Variants in ELAVL2 observed in about 807,000 individuals in gnomAD.
The protein encoded by ELAVL2 is ELAV like RNA binding protein 2.
Under a neutral mutation model 34.6 loss-of-function variants are expected in ELAVL2, and 4 were observed. The observed-to-expected ratio is 0.12, with a 90% confidence interval of 0.06 to 0.26. The LOEUF is 0.26. Ranked by LOEUF, ELAVL2 falls within the 10% of genes least tolerant of loss-of-function variation. ELAVL2 has a pLI of 1.00. For synonymous variants in ELAVL2, 193 were observed against 154.8 expected, an observed-to-expected ratio of 1.25 and a Z score of -1.83; for missense variants, 432 against 442.8, an observed-to-expected ratio of 0.98 and a Z score of 0.22.
chr9:23,802,617 C>CA (rs1396781569), intron 1 of ELAVL2, among the ~76,000 whole-genome samples: 1 of 152,208 alleles, frequency 6.6e-6, no homozygotes, highest in Non-Finnish European at 1.5e-5. Flanking sequence ...CAGTGGTTCT[C>CA]AAAGCATAGC....
At chr9:23,788,849 G>T (rs1367851808) in intron 1 of ELAVL2, among the ~76,000 whole-genome samples, 1 of 152,156 alleles carries the variant, frequency 6.6e-6, no homozygotes, top group Non-Finnish European at 1.5e-5. Context: ...CATCCTGACT[G>T]GTCAGCATGA....
rs184638629 is a variant in ELAVL2 at position 23,783,713 on chromosome 9, A to G, written c.-15-21464T>C. The stretch of plus-strand genomic sequence containing the variant: ...GTTCCCACTTACTGTCTAAGCAAAG[A>G]AGGGAACACATGCAGAACCACAACA... On this transcript the variant is annotated intron_variant, in intron 1 of 6. Coordinates refer to ENST00000397312, the MANE Select transcript of ELAVL2 (RefSeq NM_004432.5). Among the ~76,000 whole-genome samples, 228 of 152,308 alleles carry G rather than the reference A, an allele frequency of 1.5e-3. 1 individual carries two copies. Among genetic ancestry groups the G allele is most frequent in the Admixed American group, 3.9e-3 (59 of 15,304 alleles).
rs1202482443 is a variant in ELAVL2, at chr9:23,692,568, G to A, written c.1069C>T (p.His357Tyr). The A allele has an allele frequency of 6.2e-7, 1 of 1,612,332 alleles. No homozygotes were observed. The highest frequency in any genetic ancestry group is 2.2e-5 in the East Asian group (1 of 44,816). Residue 357 changes from histidine to tyrosine, a missense_variant, in exon 7 of 7, where the codon CAC becomes TAC. His to Tyr is a moderately conservative substitution (Grantham distance 83). This residue lies in a region of ELAVL2 where 295 missense variants were observed against 306.1 expected (regional missense o/e 0.96). Transcript: ENST00000397312. ...LQVSFKTNKT[H>Y]KA ...AGGACAAGAGCTCATTAGGCTTTGTGCGTTTTGTTTGTCTTAAAGGAGACC... is the reference window on the plus strand; with the variant it reads ...AGGACAAGAGCTCATTAGGCTTTGTACGTTTTGTTTGTCTTAAAGGAGACC...
rs2033514117 is a variant in ELAVL2 at position 23,692,575 on chromosome 9, G to A, written c.1062C>T (p.Asn354=). The A allele has an allele frequency of 1.2e-6, 2 of 1,612,626 alleles. No individual in the cohort carries two copies. The highest frequency in any genetic ancestry group is 2.2e-5 in the South Asian group (2 of 91,064). ...DRVLQVSFKT[N]KTHKA Reference sequence around the variant, plus strand: ...GAGCTCATTAGGCTTTGTGCGTTTTGTTTGTCTTAAAGGAGACCTGCAGTA... The same window carrying A: ...GAGCTCATTAGGCTTTGTGCGTTTTATTTGTCTTAAAGGAGACCTGCAGTA... The change falls in exon 7 of 7, where the codon AAC becomes AAT. Residue 354 remains asparagine (N), a synonymous_variant. Coordinates refer to ENST00000397312, the MANE Select transcript of ELAVL2 (RefSeq NM_004432.5).
intron 2 of ELAVL2, among the ~76,000 whole-genome samples, chr9:23,736,495 C>T (rs769197532): frequency 6.6e-6 from 1 of 152,068 alleles, no homozygotes; most frequent in Non-Finnish European, 1.5e-5. Context: ...AGGGGAGGAG[C>T]AGGGCTGCTG....
At chr9:23,734,511 C>G (rs1205186133) in intron 2 of ELAVL2, among the ~76,000 whole-genome samples, 9 of 152,166 alleles carry the variant, frequency 5.9e-5, no homozygotes, top group Non-Finnish European at 1.5e-5. Context: ...ACTCAATTAA[C>G]TAGTTTATAC....
chr9:23,744,333 G>C (rs990884482), intron 2 of ELAVL2, among the ~76,000 whole-genome samples: 1 of 152,280 alleles, frequency 6.6e-6, no homozygotes. Context: ...TCGAAGAAAT[G>C]AATGTTTTAC....
intron 3 of ELAVL2, among the ~76,000 whole-genome samples, chr9:23,724,364 C>T (rs1160653422): frequency 1.3e-5 from 2 of 152,108 alleles, no homozygotes; most frequent in Non-Finnish European, 2.9e-5. Flanking sequence ...CTAGTTATTG[C>T]CCTTTGAGAA....
At chr9:23,806,808 C>A (rs1288554230) in intron 1 of ELAVL2, among the ~76,000 whole-genome samples, 5 of 152,104 alleles carry the variant, frequency 3.3e-5, no homozygotes, top group Admixed American at 3.3e-4. Flanking sequence ...GAAGTTGTTA[C>A]CCCAAGTGCC....
chr9:23,817,314 T>A (rs1405443508), intron 1 of ELAVL2, among the ~76,000 whole-genome samples: 1 of 152,168 alleles, frequency 6.6e-6, no homozygotes, highest in Non-Finnish European at 1.5e-5. Flanking sequence ...CCTATTCTTA[T>A]GACTTTCTGG....
chr9:23,727,440 G>T (rs2045505633), intron 3 of ELAVL2, among the ~76,000 whole-genome samples: 1 of 152,004 alleles, frequency 6.6e-6, no homozygotes, highest in East Asian at 1.9e-4. Context: ...TAATATTTTG[G>T]TTAACAGAAT....
chr9:23,754,825 T>G (rs1252640091), intron 2 of ELAVL2, among the ~76,000 whole-genome samples: 1 of 152,162 alleles, frequency 6.6e-6, no homozygotes, highest in Non-Finnish European at 1.5e-5. Flanking sequence ...ATGAGTTCTC[T>G]GCCCTCCCCT....
At chr9:23,846,493 A>T in the ELAVL2 span, among the ~76,000 whole-genome samples, 2 of 152,042 alleles carry the variant, frequency 1.3e-5, no homozygotes, top group African/African-American at 2.4e-5. Flanking sequence ...TAAGATTTTT[A>T]AAATCACTCT....
At chr9:23,811,192 G>C (rs913546086) in intron 1 of ELAVL2, among the ~76,000 whole-genome samples, 4 of 152,036 alleles carry the variant, frequency 2.6e-5, no homozygotes, top group African/African-American at 9.7e-5. Flanking sequence ...CAAACTGTTT[G>C]GGAAAAAATT....
intron 1 of ELAVL2, among the ~76,000 whole-genome samples, chr9:23,811,484 G>A (rs2062991754): frequency 6.6e-6 from 1 of 152,238 alleles, no homozygotes; most frequent in Non-Finnish European, 1.5e-5. Flanking sequence ...TAGCCATGAA[G>A]ATGACGCAAG....
chr9:23,784,357 A>G (rs1056867861), intron 1 of ELAVL2, among the ~76,000 whole-genome samples: 2 of 152,230 alleles, frequency 1.3e-5, no homozygotes, highest in African/African-American at 4.8e-5. Context: ...TGCTGTGGGA[A>G]TAAAACTGGG....
chr9:23,705,363 T>TA (rs1370587475), intron 3 of ELAVL2, among the ~76,000 whole-genome samples: 1 of 152,214 alleles, frequency 6.6e-6, no homozygotes, highest in Non-Finnish European at 1.5e-5. Context: ...AGATTATTAC[T>TA]AAAAATGGTC....
intron 1 of ELAVL2, among the ~76,000 whole-genome samples, chr9:23,774,228 AAAAAAAAAAAG>A: frequency 6.8e-6 from 1 of 147,654 alleles, no homozygotes; most frequent in African/African-American, 2.6e-5. Flanking sequence ...AAAAAAAAAA[AAAAAAAAAAAG>A]AAAGAAAGAA....
chr9:23,823,302 C>T (rs985596768), intron 1 of ELAVL2, among the ~76,000 whole-genome samples: 1 of 152,156 alleles, frequency 6.6e-6, no homozygotes, highest in Admixed American at 6.5e-5. Context: ...AAACGTTAGG[C>T]GAAAATGGGC....
Sources: allele counts gnomAD v4.1 joint callset (sites outside exome capture counted in the v4.1 genomes callset), GRCh38; gene constraint gnomAD v4.1.1; regional missense constraint gnomAD v4.1.1; transcripts MANE v1.5; gene names NCBI Gene and HGNC (gene_info 2026-07-23, HGNC 2026-07-21).